MBTPS1: variants seen among roughly 807,000 people sequenced by gnomAD.
The protein encoded by MBTPS1 is membrane bound transcription factor peptidase, site 1.
A neutral mutation model predicts 127.8 loss-of-function variants in MBTPS1; 94 were observed. That is an observed-to-expected ratio of 0.74 (90% CI 0.62 to 0.87). MBTPS1 has a LOEUF of 0.87. Ranked by LOEUF, MBTPS1 falls within the 40% of genes least tolerant of loss-of-function variation. The probability of loss-of-function intolerance (pLI) is 0.00; values close to 1 mark genes in which losing one functional copy is unlikely to be tolerated. For missense variants in MBTPS1, 1,636 were observed against 1,353.2 expected (o/e 1.21, Z -3.28); for synonymous variants, 632 against 509.4 (o/e 1.24, Z -3.24).
intron 20 of MBTPS1, 85 bp downstream of exon 20, chr16:84,060,597 C>T: frequency 1.3e-6 from 2 of 1,505,202 alleles, no homozygotes; most frequent in Non-Finnish European, 1.8e-6. Context: ...GCCCCACTTG[C>T]TGGCAGGCAC....
At chr16:84,069,321 C>T (rs1038716512) in intron 14 of MBTPS1, among the ~76,000 whole-genome samples, 1 of 152,212 alleles carries the variant, frequency 6.6e-6, no homozygotes, top group Non-Finnish European at 1.5e-5. Context: ...GAAGCAGTGC[C>T]AGCTTCTGAA....
intron 18 of MBTPS1, among the ~76,000 whole-genome samples, chr16:84,064,161 A>G (rs1306722930): frequency 6.6e-6 from 1 of 151,938 alleles, no homozygotes; most frequent in African/African-American, 2.4e-5. Context: ...TGCTTTCCTC[A>G]GCACTAGAAC....
chr16:84,065,784 A>AC lies in MBTPS1; in HGVS notation c.2354-18_2354-17insG, dbSNP rs1567475333. 1 of 1,524,738 alleles carries AC rather than the reference A, an allele frequency of 6.6e-7. No individual in the cohort carries two copies. The highest frequency in any genetic ancestry group is 2.2e-5 in the Admixed American group (1 of 46,180). The allele number at this position is 1,524,738 out of a possible 1,614,324, so 94.5% of individuals were successfully genotyped here. A position where few individuals can be genotyped will look rare whatever the true frequency, so the allele number is the denominator to read the frequency against. The stretch of plus-strand genomic sequence containing the variant: ...CATAATACACTAGGAAAGAGTGTTC[A>AC]AAGTCAAGGGAACACAGGAACGCCG... On this transcript the variant is annotated splice_polypyrimidine_tract_variant and intron_variant, in intron 17 of 22. Coordinates refer to ENST00000343411, the MANE Select transcript of MBTPS1 (RefSeq NM_003791.4).
rs756632031 is a variant in MBTPS1, at chr16:84,059,308, G to A, written c.2825C>T (p.Ala942Val). ...WAKPQPLNET[A>V]PSNLWKHQKL... ...GGCACAGGCGGACACTAACCTGGGCGCCGTCTCGTTTAAAGGCTGTGGCTT... is the reference window on the plus strand; with the variant it reads ...GGCACAGGCGGACACTAACCTGGGCACCGTCTCGTTTAAAGGCTGTGGCTT... The change falls in exon 21 of 23, where the codon GCG becomes GTG. Residue 942 changes from alanine (A) to valine (V), a missense_variant. Ala to Val is a moderately conservative substitution (Grantham distance 64). Coordinates refer to ENST00000343411, the MANE Select transcript of MBTPS1 (RefSeq NM_003791.4). 5 of 1,613,278 alleles carry A rather than the reference G, an allele frequency of 3.1e-6. No homozygotes were observed. The highest frequency in any genetic ancestry group is 2.7e-5 in the African/African-American group (2 of 74,998).
chr16:84,067,682 T>A lies in MBTPS1; in HGVS notation c.2213A>T (p.Tyr738Phe). 1 of 1,612,492 alleles carries A rather than the reference T, an allele frequency of 6.2e-7. No individual in the cohort carries two copies. The change falls in exon 16 of 23, where the codon TAT (tyrosine) becomes TTT (phenylalanine). Residue 738 changes from tyrosine to phenylalanine, a missense_variant. Transcript: ENST00000343411. ...NTSVMRKVKF[Y>F]DENTRQWWMP... ...TCAACAGTACCTTGTGTTTTCATCA[T>A]AAAACTTCACTTTTCTCATAACAGA...
intron 18 of MBTPS1, 98 bp downstream of exon 18, chr16:84,065,592 T>G (rs2085669540): frequency 1.2e-6 from 1 of 816,122 alleles, no homozygotes; most frequent in Non-Finnish European, 2.1e-6. Context: ...ATAAAGCTTT[T>G]ATTAAAAAAG....
intron 11 of MBTPS1, among the ~76,000 whole-genome samples, chr16:84,076,335 CT>C (rs2085854308): frequency 6.6e-6 from 1 of 152,062 alleles, no homozygotes; most frequent in Non-Finnish European, 1.5e-5. Flanking sequence ...AATCCAGCAT[CT>C]TACTTAACGG....
Position 84,097,438 on chromosome 16 carries a change from A to G in MBTPS1, c.421+1615T>C, listed in dbSNP as rs1262763465. ...AAAGACGCTTACTGCTGAAGGTCAC[A>G]GCTAACTTCAAGGGGCATGGGAACG... On this transcript the variant is annotated intron_variant, in intron 3 of 22. Coordinates refer to ENST00000343411, the MANE Select transcript of MBTPS1 (RefSeq NM_003791.4). Among the ~76,000 whole-genome samples, 3 of 152,228 alleles carry G rather than the reference A, an allele frequency of 2.0e-5. No individual in the cohort carries two copies. In the South Asian group the frequency reaches 6.2e-4, roughly 32 times the overall value.
Position 84,054,472 on chromosome 16 carries a change from G to A in MBTPS1, c.3136C>T (p.Pro1046Ser). ...KRPQLMQQVH[P>S]PKTPSV Reference sequence around the variant, plus strand: ...GGTCACACCGAAGGGGTCTTTGGCGGGTGAACCTGCTGCATGAGCTGCGGG... The same window carrying A: ...GGTCACACCGAAGGGGTCTTTGGCGAGTGAACCTGCTGCATGAGCTGCGGG... Residue 1046 changes from proline to serine, a missense_variant, in exon 23 of 23, where the codon CCG becomes TCG. By Grantham distance (74) the Pro-to-Ser change is moderately conservative. Transcript: ENST00000343411. The A allele has an allele frequency of 6.2e-7, 1 of 1,609,142 alleles. No individual in the cohort carries two copies. Among genetic ancestry groups the A allele is most frequent in the South Asian group, 1.1e-5 (1 of 90,506 alleles).
intron 7 of MBTPS1, 134 bp from the exon 8 acceptor site, chr16:84,091,076 T>C (rs1161445006): frequency 7.0e-6 from 5 of 713,744 alleles, no homozygotes; most frequent in East Asian, 2.6e-5. Context: ...TAAAGGCGGA[T>C]GTGCTGGCAA....
chr16:84,095,293 T>C (rs534039858), intron 4 of MBTPS1, among the ~76,000 whole-genome samples: 3 of 152,320 alleles, frequency 2.0e-5, no homozygotes, highest in Non-Finnish European at 2.9e-5. Context: ...TATGTGTCAA[T>C]AGGAGAGAAG....
At position 84,054,171 on chromosome 16, in the gene MBTPS1, T is replaced by A; in HGVS notation, c.*278A>T. On this transcript the variant is annotated 3_prime_UTR_variant, in exon 23 of 23. Transcript: ENST00000343411. ...CAGTCAGAAGACCCCAGACAGCCTTTCCAGTTCTCCCGAGTCTTTGGTGCG... is the reference window on the plus strand; with the variant it reads ...CAGTCAGAAGACCCCAGACAGCCTTACCAGTTCTCCCGAGTCTTTGGTGCG... The A allele has an allele frequency of 3.4e-6, 1 of 295,420 alleles. No homozygotes were observed. Among genetic ancestry groups the A allele is most frequent in the Non-Finnish European group, 6.3e-6 (1 of 158,752 alleles). The allele number at this position is 295,420 out of a possible 1,614,324, so 18.3% of individuals were successfully genotyped here.
At chr16:84,090,513 C>T (rs1434361332) in intron 8 of MBTPS1, among the ~76,000 whole-genome samples, 1 of 152,216 alleles carries the variant, frequency 6.6e-6, no homozygotes, top group East Asian at 1.9e-4. Flanking sequence ...GGATGCTTTG[C>T]ACACAGATCT....
At chr16:84,099,775 C>CAAA (rs57148184) in intron 2 of MBTPS1, among the ~76,000 whole-genome samples, 8 of 76,384 alleles carry the variant, frequency 1.0e-4, no homozygotes, top group African/African-American at 2.7e-4. Context: ...GCCTCCGTCT[C>CAAA]AAAAAAAAAA....
Position 84,116,868 on chromosome 16 carries a change from C to T in MBTPS1, c.-458G>A, listed in dbSNP as rs2086490821. The T allele has an allele frequency of 2.0e-5, 3 of 152,392 alleles. No homozygotes were observed. The highest frequency in any genetic ancestry group is 7.2e-5 in the African/African-American group (3 of 41,582). The allele number at this position is 152,392 out of a possible 1,614,324, so 9.4% of individuals were successfully genotyped here. A position where few individuals can be genotyped will look rare whatever the true frequency, so the allele number is the denominator to read the frequency against. On this transcript the variant is annotated 5_prime_UTR_variant, in exon 1 of 23. In the 5' UTR this introduces an upstream ATG that the reference lacks. Transcript: ENST00000343411. ...TGGGCGACCGGGCCAGCGAGGCCCA[C>T]AGCTGGGAGCCTCAGCTCCGCCGAC...
Position 84,093,227 on chromosome 16 carries a change from A to G in MBTPS1, c.807T>C (p.Asp269=), listed in dbSNP as rs1343109050. The change falls in exon 6 of 23, where the codon GAT becomes GAC. Residue 269 remains aspartate (D), a synonymous_variant. Coordinates refer to ENST00000343411, the MANE Select transcript of MBTPS1 (RefSeq NM_003791.4). ...SMRECQGFAP[D]AELHIFRVFT... ...AGACCCTGAAAATGTGAAGTTCTGC[A>G]TCTGGAGCAAATCCTTGGCACTCCC... 2 of 1,614,110 alleles carry G rather than the reference A, an allele frequency of 1.2e-6. No homozygotes were observed. The highest frequency in any genetic ancestry group is 1.7e-6 in the Non-Finnish European group (2 of 1,179,934).
At chr16:84,102,670 C>T (rs1455212263) in intron 1 of MBTPS1, among the ~76,000 whole-genome samples, 8 of 152,202 alleles carry the variant, frequency 5.3e-5, no homozygotes, top group Non-Finnish European at 1.2e-4. Context: ...CCAGTTGGCA[C>T]TTTTACTTCC....
rs2086263355 is a variant in MBTPS1 at position 84,101,954 on chromosome 16, G to C, written c.-171C>G. Reference sequence around the variant, plus strand: ...AAATCCCATGGCCTTTTGTGGTTCAGCCTGAAGAGAGGCTTTCATTTCTTT... The same window carrying C: ...AAATCCCATGGCCTTTTGTGGTTCACCCTGAAGAGAGGCTTTCATTTCTTT... On this transcript the variant is annotated 5_prime_UTR_variant, in exon 2 of 23. Transcript: ENST00000343411. 2 of 600,688 alleles carry C rather than the reference G, an allele frequency of 3.3e-6. No individual in the cohort carries two copies. The highest frequency in any genetic ancestry group is 2.2e-5 in the South Asian group (1 of 44,844). The allele number at this position is 600,688 out of a possible 1,614,324, so 37.2% of individuals were successfully genotyped here.
At chr16:84,102,974 G>C (rs1376109566) in intron 1 of MBTPS1, among the ~76,000 whole-genome samples, 2 of 152,176 alleles carry the variant, frequency 1.3e-5, no homozygotes, top group African/African-American at 4.8e-5. Flanking sequence ...AGTGACATGA[G>C]AAGACAGTTT....
Sources: gnomAD v4.1 joint callset for allele counts (sites outside exome capture counted in the v4.1 genomes callset) on GRCh38, gnomAD v4.1.1 for gene constraint, MANE v1.5 for transcripts, NCBI Gene and HGNC (gene_info 2026-07-23, HGNC 2026-07-21) for gene names.